The following SLC30A9 variants were observed in gnomAD, a reference collection of about 807,000 sequenced individuals.
SLC30A9 encodes the protein proton-coupled zinc antiporter SLC30A9, mitochondrial.
A neutral mutation model predicts 87.5 loss-of-function variants in SLC30A9; 58 were observed. The ratio of observed to expected loss-of-function variants is 0.66; its 90% confidence interval spans 0.54 to 0.82. The LOEUF (loss-of-function observed/expected upper bound fraction) is 0.82, where lower values mean the gene tolerates loss of function less well. SLC30A9 is among the 40% of genes least tolerant of loss of function. The pLI is 0.00. For missense variants in SLC30A9, 557 were observed against 679.1 expected (o/e 0.82, Z 2.00); for synonymous variants, 234 against 233.0 (o/e 1.00, Z -0.04).
chr4:42,026,713 CTT>C (rs1168719605), intron 6 of SLC30A9, among the ~76,000 whole-genome samples: 1 of 74,502 alleles, frequency 1.3e-5, no homozygotes. Context: ...AAGTTTGTTC[CTT>C]TTTTTTTTTC....
In SLC30A9 at chr4:42,001,653, C is replaced by T; in HGVS notation, c.147C>T (p.Asn49=). The change falls in exon 2 of 18, where the codon AAC becomes AAT. Residue 49 remains asparagine, a synonymous_variant. Transcript: ENST00000264451. ...TAGTGACATTTGGAAGCTTTTCAAA[C>T]ATGGTTCCCTGTAGTCATCCATATA... is the stretch of plus-strand genomic sequence containing the variant. The part of the protein sequence containing the change: ...QNLVTFGSFS[N]MVPCSHPYIG... 3.8e-6 allele frequency: 6 copies of T among 1,599,172 alleles called. No homozygotes were observed. The highest frequency in any genetic ancestry group is 2.2e-5 in the East Asian group (1 of 44,616).
At chr4:42,072,291 A>T (rs1718342992) in intron 15 of SLC30A9, among the ~76,000 whole-genome samples, 1 of 151,310 alleles carries the variant, frequency 6.6e-6, no homozygotes, top group African/African-American at 2.4e-5. Context: ...AATCTTTATT[A>T]TTTTTTTCCT....
intron 1 of SLC30A9, among the ~76,000 whole-genome samples, chr4:41,993,936 C>T (rs541716844): frequency 1.2e-4 from 19 of 152,194 alleles, no homozygotes; most frequent in Admixed American, 9.8e-4. Context: ...GTAGGGGGAT[C>T]ACCTGAGGTC....
chr4:42,054,839 T>C (rs1717537843), intron 9 of SLC30A9, among the ~76,000 whole-genome samples: 1 of 152,080 alleles, frequency 6.6e-6, no homozygotes, highest in South Asian at 2.1e-4. Context: ...GATAATAGTC[T>C]TGTGGCTGTA....
In SLC30A9 at chr4:42,070,610, CAGA is replaced by C; in HGVS notation, c.1340_1342del (p.Glu447del). 1 of 1,614,038 alleles carries C rather than the reference CAGA, an allele frequency of 6.2e-7. No individual in the cohort carries two copies. Among genetic ancestry groups the C allele is most frequent in the Non-Finnish European group, 8.5e-7 (1 of 1,179,928 alleles). On this transcript the variant is annotated inframe_deletion, in exon 15 of 18. Coordinates refer to ENST00000264451, the MANE Select transcript of SLC30A9 (RefSeq NM_006345.4). The stretch of plus-strand genomic sequence containing the variant: ...TCAGCATTCCTCATCTACACTAACA[CAGA>C]AGCACTCTTAGGGCGGTCCATCCAG...
At chr4:41,991,977 A>G (rs902492435) in intron 1 of SLC30A9, among the ~76,000 whole-genome samples, 1 of 150,242 alleles carries the variant, frequency 6.7e-6, no homozygotes, top group African/African-American at 2.5e-5. Context: ...TGGTAGTGAT[A>G]GAAAAGTGTA....
At chr4:42,041,281 A>G (rs1716911297) in intron 8 of SLC30A9, among the ~76,000 whole-genome samples, 1 of 152,088 alleles carries the variant, frequency 6.6e-6, no homozygotes, top group Admixed American at 6.6e-5. Flanking sequence ...AGCCAAGGGA[A>G]GAAGCGTTTG....
chr4:42,032,383 C>A (rs1040889210), intron 6 of SLC30A9, among the ~76,000 whole-genome samples: 2 of 152,072 alleles, frequency 1.3e-5, no homozygotes, highest in Non-Finnish European at 2.9e-5. Flanking sequence ...TATTAGTAAC[C>A]TGGAAAGAAG....
At chr4:42,036,345 C>G (rs1363916997) in intron 7 of SLC30A9, among the ~76,000 whole-genome samples, 2 of 152,164 alleles carry the variant, frequency 1.3e-5, no homozygotes, top group Non-Finnish European at 2.9e-5. Context: ...CTCTGCTTTC[C>G]TTCCTACTAG....
intron 6 of SLC30A9, among the ~76,000 whole-genome samples, chr4:42,031,867 C>T (rs1473188528): frequency 6.6e-6 from 1 of 152,156 alleles, no homozygotes; most frequent in African/African-American, 2.4e-5. Flanking sequence ...GCCTCCAAAG[C>T]ATGAAATATT....
chr4:42,060,658 T>C (rs888203657), intron 10 of SLC30A9, among the ~76,000 whole-genome samples: 8 of 152,216 alleles, frequency 5.3e-5, no homozygotes, highest in African/African-American at 1.9e-4. Context: ...GATTTGGAAA[T>C]GTATTTTGTT....
At chr4:42,042,599 C>A (rs11728912) in intron 8 of SLC30A9, among the ~76,000 whole-genome samples, 364 of 152,308 alleles carry the variant, frequency 2.4e-3, no homozygotes, top group Non-Finnish European at 3.8e-3. Flanking sequence ...ATAAAACTCT[C>A]ATCTCTCTGG....
chr4:42,066,705 T>G (rs142211130), intron 13 of SLC30A9, 84 bp downstream of exon 13: 1 of 851,518 alleles, frequency 1.2e-6, no homozygotes, highest in Middle Eastern at 2.3e-4. Context: ...TTGTTCCTAA[T>G]AGAAATGTAC....
At chr4:42,032,036 G>A (rs938797419) in intron 6 of SLC30A9, among the ~76,000 whole-genome samples, 24 of 152,178 alleles carry the variant, frequency 1.6e-4, no homozygotes, top group Non-Finnish European at 2.8e-4. Flanking sequence ...CAGTCTTGGC[G>A]GAAGGCAAAG....
At chr4:41,998,586 C>A (rs1446759812) in intron 1 of SLC30A9, among the ~76,000 whole-genome samples, 2 of 152,092 alleles carry the variant, frequency 1.3e-5, no homozygotes, top group Non-Finnish European at 2.9e-5. Context: ...GCCTCAGCCT[C>A]CCGCATAGCT....
At chr4:42,018,703 T>C (rs1025505158) in intron 3 of SLC30A9, among the ~76,000 whole-genome samples, 1 of 152,194 alleles carries the variant, frequency 6.6e-6, no homozygotes, top group Non-Finnish European at 1.5e-5. Context: ...CTCCAGTGCT[T>C]ACCAGCTGGC....
intron 9 of SLC30A9, among the ~76,000 whole-genome samples, chr4:42,057,322 T>C (rs569076655): frequency 6.6e-6 from 1 of 152,326 alleles, no homozygotes; most frequent in South Asian, 2.1e-4. Context: ...AGCAAACTTC[T>C]ACCTGGGCAT....
In SLC30A9 at chr4:42,086,864, G is replaced by C. The variant is rs989372059; in HGVS notation, c.*738G>C. 2 of 152,306 alleles carry C rather than the reference G, an allele frequency of 1.3e-5. No homozygotes were observed. The highest frequency in any genetic ancestry group is 4.8e-5 in the African/African-American group (2 of 41,398). 9.4% of individuals were successfully genotyped at this position (152,306 alleles called of 1,614,324 possible). A position where few individuals can be genotyped will look rare whatever the true frequency, so the allele number is the denominator to read the frequency against. ...TCTAATGTTAGGAGATATAGTCCTA[G>C]ATATTTCCATGGGCCAGTGTGATGA... is the stretch of plus-strand genomic sequence containing the variant. On this transcript the variant is annotated 3_prime_UTR_variant, in exon 18 of 18. Coordinates refer to ENST00000264451, the MANE Select transcript of SLC30A9 (RefSeq NM_006345.4).
intron 1 of SLC30A9, among the ~76,000 whole-genome samples, chr4:42,000,995 T>C (rs1459889823): frequency 6.6e-6 from 1 of 152,058 alleles, no homozygotes; most frequent in Non-Finnish European, 1.5e-5. Context: ...GGGTAAATTG[T>C]GGAATATACT....
Sources: gnomAD v4.1 joint callset for allele counts (sites outside exome capture counted in the v4.1 genomes callset) on GRCh38, gnomAD v4.1.1 for gene constraint, MANE v1.5 for transcripts, NCBI Gene and HGNC (gene_info 2026-07-23, HGNC 2026-07-21) for gene names.